CELF2: variants seen among roughly 807,000 people sequenced by gnomAD.
CELF2 encodes the protein CUG triplet repeat RNA-binding protein 2.
In CELF2, 8 loss-of-function variants were observed where a neutral mutation model predicts 62.6. The ratio of observed to expected loss-of-function variants is 0.13; its 90% CI spans 0.07 to 0.23. CELF2 has a LOEUF of 0.23. Among genes scored for constraint, CELF2 ranks in the 10% least tolerant of loss-of-function variants. The pLI, the probability that CELF2 is intolerant of heterozygous loss-of-function variation, is 1.00. For missense variants in CELF2, 333 were observed against 671.0 expected, an observed-to-expected ratio of 0.50 and a Z score of 5.56; for synonymous variants, 258 against 250.0, an observed-to-expected ratio of 1.03 and a Z score of -0.30.
chr10:10,464,139 C>T, the CELF2 span, among the ~76,000 whole-genome samples: 1 of 151,998 alleles, frequency 6.6e-6, no homozygotes, highest in Non-Finnish European at 1.5e-5. Context: ...TCACCGGTGC[C>T]CCCAGAGCGC....
intron 1 of CELF2, among the ~76,000 whole-genome samples, chr10:10,897,686 T>C (rs568879531): frequency 6.6e-6 from 1 of 152,194 alleles, no homozygotes; most frequent in Non-Finnish European, 1.5e-5. Context: ...CAGAATCCTC[T>C]CGTGTAATAG....
At chr10:11,187,212 GTT>G (rs764536597) in intron 2 of CELF2, among the ~76,000 whole-genome samples, 3 of 151,974 alleles carry the variant, frequency 2.0e-5, no homozygotes, top group Non-Finnish European at 2.9e-5. Context: ...TTGAAGTTCT[GTT>G]TTTTTGATGA....
intron 2 of CELF2, among the ~76,000 whole-genome samples, chr10:11,189,144 G>A (rs1022088778): frequency 1.3e-5 from 2 of 152,074 alleles, no homozygotes; most frequent in Admixed American, 6.5e-5. Flanking sequence ...GAGTATTTTC[G>A]GTCTGGCTGG....
At chr10:10,798,151 T>C (rs1405955656), upstream of CELF2, among the ~76,000 whole-genome samples, 1 of 152,146 alleles carries the variant, frequency 6.6e-6, no homozygotes, top group Non-Finnish European at 1.5e-5. Flanking sequence ...TCTAGCTTGT[T>C]TGCAGTCCTG....
At chr10:10,556,434 C>G in the CELF2 span, among the ~76,000 whole-genome samples, 33 of 152,076 alleles carry the variant, frequency 2.2e-4, no homozygotes, top group East Asian at 2.3e-3. Flanking sequence ...GTCTATCATT[C>G]TTGGACATTT....
chr10:11,025,585 A>G (rs1364723902), intron 1 of CELF2, among the ~76,000 whole-genome samples: 4 of 152,162 alleles, frequency 2.6e-5, no homozygotes, highest in Non-Finnish European at 5.9e-5. Flanking sequence ...TGAGTTGAGT[A>G]AAACTCTCTT....
At position 10,937,125 on chromosome 10, in the gene CELF2, T is replaced by C. The variant is rs1185555764; in HGVS notation, c.89+17126T>C. 5.9e-5 allele frequency among the ~76,000 whole-genome samples: 4 copies of C among 67,838 alleles called. No homozygotes were observed. In the South Asian group the frequency reaches 3.0e-3, roughly 51 times the overall value. The allele number at this position is 67,838 out of a possible 152,430, so 44.5% of individuals were successfully genotyped here. ...CTTCTTTTTTGTTTTTCTTTTCTTT[T>C]TTTTTTTTTTTTTTTTTTCGTGACA... is the stretch of plus-strand genomic sequence containing the variant. On this transcript the variant is annotated intron_variant, in intron 2 of 13. Coordinates refer to the CELF2 transcript ENST00000636488.
At position 11,248,538 on chromosome 10, in the gene CELF2, A is replaced by G. The variant is rs369334697; in HGVS notation, c.355-615A>G. On this transcript the variant is annotated intron_variant, in intron 3 of 12. Coordinates refer to ENST00000633077, the MANE Select transcript of CELF2 (RefSeq NM_001326342.2). The stretch of plus-strand genomic sequence containing the variant: ...AAAATTATATACTGATACCAAAGTC[A>G]GTCAACTGCTAGACCTTCAAATTAC... Among the ~76,000 whole-genome samples the G allele has an allele frequency of 5.3e-5, 8 of 152,344 alleles. No homozygotes were observed. In the East Asian group the frequency reaches 1.3e-3, roughly 26 times the overall value.
intron 1 of CELF2, among the ~76,000 whole-genome samples, chr10:11,164,257 G>C (rs1164185921): frequency 6.6e-6 from 1 of 152,226 alleles, no homozygotes; most frequent in Admixed American, 6.5e-5. Flanking sequence ...TATATTTGGA[G>C]CGGGGGTAGG....
At chr10:10,778,246 C>A in the CELF2 span, among the ~76,000 whole-genome samples, 1 of 152,150 alleles carries the variant, frequency 6.6e-6, no homozygotes, top group Admixed American at 6.5e-5. Context: ...AGAGAGGGAC[C>A]TTTACAACCT....
chr10:10,647,706 A>G, the CELF2 span, among the ~76,000 whole-genome samples: 1 of 152,312 alleles, frequency 6.6e-6, no homozygotes, highest in East Asian at 1.9e-4. Flanking sequence ...AAATATTTCA[A>G]GGCTTGCTTT....
the CELF2 span, among the ~76,000 whole-genome samples, chr10:10,752,688 C>CAAAAAAAAAAAAAAAAAAAAAAA: frequency 6.8e-5 from 4 of 58,974 alleles, no homozygotes; most frequent in South Asian, 6.3e-4. Flanking sequence ...GACTCCGTCT[C>CAAAAAAAAAAAAAAAAAAAAAAA]AAAAAAAAAA....
chr10:11,215,960 G>A (rs1442406694), intron 2 of CELF2, among the ~76,000 whole-genome samples: 1 of 152,178 alleles, frequency 6.6e-6, no homozygotes, highest in Admixed American at 6.5e-5. Flanking sequence ...AAGAAGCAGA[G>A]CCAAGTGGAT....
Position 11,217,555 on chromosome 10 carries a change from G to A in CELF2, c.354+48G>A, listed in dbSNP as rs2063655165. 1.4e-6 allele frequency: 2 copies of A among 1,416,182 alleles called. No individual in the cohort carries two copies. Among genetic ancestry groups the A allele is most frequent in the Admixed American group, 1.8e-5 (1 of 55,610 alleles). The allele number at this position is 1,416,182 out of a possible 1,614,324, so 87.7% of individuals were successfully genotyped here. ...CAGAATCACTTTATTGCTTGAAAAT[G>A]GTCCTTTCAACTGAAGGTTCTAGTT... On this transcript the variant is annotated intron_variant, in intron 3 of 12. Coordinates refer to ENST00000633077, the MANE Select transcript of CELF2 (RefSeq NM_001326342.2). This position sits in a 1 kb window ranked among gnomAD's most constrained non-coding sequence, Gnocchi z 5.6.
At chr10:11,279,501 G>A (rs529956592) in intron 8 of CELF2, among the ~76,000 whole-genome samples, 1 of 152,230 alleles carries the variant, frequency 6.6e-6, no homozygotes, top group South Asian at 2.1e-4. Context: ...AAAGACTCAC[G>A]CAGAACTTGG....
chr10:11,276,424 A>G (rs2086157253), intron 8 of CELF2, among the ~76,000 whole-genome samples: 1 of 152,242 alleles, frequency 6.6e-6, no homozygotes, highest in Non-Finnish European at 1.5e-5. Context: ...ATCTTTACGA[A>G]TATGGTTTGG....
In CELF2 at chr10:10,906,891, G is replaced by A. The variant is rs763788037; in HGVS notation, c.54-13073G>A. On this transcript the variant is annotated intron_variant, in intron 1 of 13. Coordinates refer to the CELF2 transcript ENST00000636488. Reference sequence around the variant, plus strand: ...AAGCCGCCACACCCAGCTAATTTTCGTATTTTTAGTAGAGACGGGGTTTCA... The same window carrying A: ...AAGCCGCCACACCCAGCTAATTTTCATATTTTTAGTAGAGACGGGGTTTCA... Among the ~76,000 whole-genome samples, 40 of 151,784 alleles carry A rather than the reference G, an allele frequency of 2.6e-4. 1 individual carries two copies. The highest frequency in any genetic ancestry group is 2.5e-4 in the Non-Finnish European group (17 of 67,938).
At chr10:10,978,028 T>A (rs2051559089) in intron 2 of CELF2, among the ~76,000 whole-genome samples, 1 of 149,478 alleles carries the variant, frequency 6.7e-6, no homozygotes, top group Non-Finnish European at 1.5e-5. Context: ...GTTTGGGTTT[T>A]TTTTTGTTTT....
At chr10:10,643,646 C>G in the CELF2 span, among the ~76,000 whole-genome samples, 1 of 151,986 alleles carries the variant, frequency 6.6e-6, no homozygotes, top group Non-Finnish European at 1.5e-5. Flanking sequence ...TAGTCTAACA[C>G]TATCATTTAT....
Sources: gnomAD v4.1 joint callset for allele counts (sites outside exome capture counted in the v4.1 genomes callset) on GRCh38, gnomAD v4.1.1 for gene constraint, Gnocchi (gnomAD v3.1) non-coding constraint, MANE v1.5 for transcripts, NCBI Gene and HGNC (gene_info 2026-07-23, HGNC 2026-07-21) for gene names.